Variants in SNX13 observed in about 807,000 individuals in gnomAD.
SNX13 encodes the protein sorting nexin-13.
Under a neutral mutation model 133.6 loss-of-function variants are expected in SNX13, and 45 were observed. That is an observed-to-expected ratio of 0.34 (90% CI 0.27 to 0.43). The LOEUF (loss-of-function observed/expected upper bound fraction) is 0.43, where lower values mean the gene tolerates loss of function less well. Ranked by LOEUF, SNX13 falls within the 20% of genes least tolerant of loss-of-function variation. SNX13 has a pLI of 1.00. For synonymous variants in SNX13, 414 were observed against 373.9 expected (o/e 1.11, Z -1.24); for missense variants, 1,032 against 1,145.1 (o/e 0.90, Z 1.43).
At chr7:17,835,415 A>G (rs1202366683) in intron 13 of SNX13, among the ~76,000 whole-genome samples, 1 of 151,972 alleles carries the variant, frequency 6.6e-6, no homozygotes, top group Non-Finnish European at 1.5e-5. Flanking sequence ...ATGCTGCAGC[A>G]AAGTTCCAGT....
chr7:17,898,461 T>C (rs1310266413), intron 1 of SNX13, among the ~76,000 whole-genome samples: 1 of 152,174 alleles, frequency 6.6e-6, no homozygotes, highest in Non-Finnish European at 1.5e-5. Context: ...ATTCATTCAC[T>C]CACCAGTCAT....
At chr7:17,884,235 C>T (rs1209066868) in intron 5 of SNX13, among the ~76,000 whole-genome samples, 2 of 152,098 alleles carry the variant, frequency 1.3e-5, no homozygotes, top group African/African-American at 2.4e-5. Flanking sequence ...AGGAAATACA[C>T]TAAAACATTA....
At chr7:17,829,226 T>C (rs1788221536) in intron 16 of SNX13, among the ~76,000 whole-genome samples, 1 of 151,486 alleles carries the variant, frequency 6.6e-6, no homozygotes. Flanking sequence ...GTAATGCAGG[T>C]AGGAGGAAAA....
At chr7:17,874,908 A>T (rs1227100463) in intron 7 of SNX13, among the ~76,000 whole-genome samples, 1 of 152,258 alleles carries the variant, frequency 6.6e-6, no homozygotes, top group Non-Finnish European at 1.5e-5. Context: ...ATACTTCTGA[A>T]GCAAAAATAA....
intron 17 of SNX13, among the ~76,000 whole-genome samples, 172 bp downstream of exon 17, chr7:17,825,850 C>T (rs553982394): frequency 6.6e-6 from 1 of 151,986 alleles, no homozygotes; most frequent in Admixed American, 6.6e-5. Flanking sequence ...AGATCAAATA[C>T]ATAAGCAAAT....
At chr7:17,800,885 T>TA (rs947077512) in intron 22 of SNX13, among the ~76,000 whole-genome samples, 9 of 150,588 alleles carry the variant, frequency 6.0e-5, no homozygotes, top group Non-Finnish European at 8.9e-5. Context: ...TGGCTAAAAT[T>TA]AAAAAAACAA....
intron 16 of SNX13, among the ~76,000 whole-genome samples, chr7:17,827,194 C>A (rs1404088984): frequency 6.6e-6 from 1 of 151,918 alleles, no homozygotes; most frequent in Non-Finnish European, 1.5e-5. Flanking sequence ...ATAAGAAATT[C>A]CAGCCATGAG....
chr7:17,926,956 T>A (rs1450026043), intron 1 of SNX13, among the ~76,000 whole-genome samples: 2 of 151,972 alleles, frequency 1.3e-5, no homozygotes, highest in Non-Finnish European at 2.9e-5. Context: ...AAACAGGAAA[T>A]ATAAATGGCT....
At chr7:17,859,624 TG>T (rs1228124523) in intron 9 of SNX13, among the ~76,000 whole-genome samples, 5 of 152,166 alleles carry the variant, frequency 3.3e-5, no homozygotes, top group Non-Finnish European at 7.4e-5. Context: ...AAGAGTTCTC[TG>T]ATCTTTTATG....
At chr7:17,912,418 T>C (rs1274947898) in intron 1 of SNX13, among the ~76,000 whole-genome samples, 1 of 151,486 alleles carries the variant, frequency 6.6e-6, no homozygotes, top group Non-Finnish European at 1.5e-5. Context: ...GAAAATGCTT[T>C]TTTTTTTTGG....
intron 14 of SNX13, 48 bp downstream of exon 14, chr7:17,834,713 A>G: frequency 1.5e-6 from 2 of 1,292,976 alleles, no homozygotes; most frequent in Admixed American, 2.2e-5. Context: ...ACATAAAAGT[A>G]TTTTTTCTCA....
At chr7:17,810,193 G>T (rs980629108) in intron 20 of SNX13, among the ~76,000 whole-genome samples, 2 of 152,064 alleles carry the variant, frequency 1.3e-5, no homozygotes, top group African/African-American at 2.4e-5. Flanking sequence ...TGGTTTTTTT[G>T]AAAAGATCAA....
intron 8 of SNX13, among the ~76,000 whole-genome samples, chr7:17,871,633 A>G (rs149631176): frequency 6.6e-6 from 1 of 152,332 alleles, no homozygotes; most frequent in Non-Finnish European, 1.5e-5. Flanking sequence ...CTGTTTAACC[A>G]GAATTCCCAC....
At chr7:17,933,534 C>A (rs187373716) in intron 1 of SNX13, among the ~76,000 whole-genome samples, 263 of 150,374 alleles carry the variant, frequency 1.7e-3, no homozygotes, top group African/African-American at 6.1e-3. Context: ...CAGAGCGAGA[C>A]TCTGTCTCAG....
At chr7:17,801,012 A>T (rs73681815) in intron 22 of SNX13, among the ~76,000 whole-genome samples, 669 of 6,604 alleles carry the variant, frequency 0.1, 15 homozygotes, top group African/African-American at 0.21. Flanking sequence ...AACTGAACAT[A>T]TATATATATA....
At chr7:17,828,384 G>C (rs112317351) in intron 16 of SNX13, among the ~76,000 whole-genome samples, 2 of 151,680 alleles carry the variant, frequency 1.3e-5, no homozygotes, top group Non-Finnish European at 3.0e-5. Context: ...GTAAGAAAGT[G>C]TTTTTTAACA....
intron 9 of SNX13, among the ~76,000 whole-genome samples, chr7:17,867,962 A>G (rs995493366): frequency 2.6e-5 from 4 of 152,184 alleles, no homozygotes; most frequent in African/African-American, 9.6e-5. Context: ...TACAGACACT[A>G]GGCAACTTAC....
chr7:17,835,275 A>G (rs1211319282), intron 13 of SNX13, among the ~76,000 whole-genome samples: 2 of 151,954 alleles, frequency 1.3e-5, no homozygotes, highest in Non-Finnish European at 2.9e-5. Context: ...TTTAGTATTC[A>G]GTAGTACTAG....
At position 17,820,539 on chromosome 7, in the gene SNX13, T is replaced by C. The variant is rs183563952; in HGVS notation, c.1845+970A>G. Among the ~76,000 whole-genome samples, 251 of 152,224 alleles carry C rather than the reference T, an allele frequency of 1.6e-3. 2 individuals carry two copies. The highest frequency in any genetic ancestry group is 0.014 in the Admixed American group (209 of 15,276). ...ATTAATATAACACAAAATAGTCCTT[T>C]TAATATAGGCTTCAGAAGTCAACAT... On this transcript the variant is annotated intron_variant, in intron 18 of 25. Transcript: ENST00000428135.
Sources: allele counts gnomAD v4.1 joint callset (sites outside exome capture counted in the v4.1 genomes callset), GRCh38; gene constraint gnomAD v4.1.1; transcripts MANE v1.5; gene names NCBI Gene and HGNC (gene_info 2026-07-23, HGNC 2026-07-21).